The following DLG2 variants were observed in gnomAD, a reference collection of about 807,000 sequenced individuals.
DLG2 encodes the protein disks large homolog 2.
A neutral mutation model predicts 132.5 loss-of-function variants in DLG2; 45 were observed. That is an observed-to-expected ratio of 0.34 (90% CI 0.27 to 0.44). The LOEUF (loss-of-function observed/expected upper bound fraction) is 0.44. DLG2 is among the 20% of genes least tolerant of loss of function. DLG2 has a pLI of 1.00. For synonymous variants in DLG2, 424 were observed against 419.6 expected, an observed-to-expected ratio of 1.01 and a Z score of -0.13; for missense variants, 1,045 against 1,196.9, an observed-to-expected ratio of 0.87 and a Z score of 1.87.
chr11:84,409,623 T>G (rs2098887797), intron 7 of DLG2, among the ~76,000 whole-genome samples: 1 of 152,212 alleles, frequency 6.6e-6, no homozygotes, highest in Admixed American at 6.5e-5. Context: ...GTAAACTGAT[T>G]GTTTCTCCAT....
At chr11:84,084,287 T>G (rs1465613996) in intron 10 of DLG2, among the ~76,000 whole-genome samples, 1 of 152,180 alleles carries the variant, frequency 6.6e-6, no homozygotes, top group East Asian at 1.9e-4. Flanking sequence ...AATTTCCTGG[T>G]GTAGAAATTT....
At chr11:83,802,023 A>C (rs2153941712) in intron 17 of DLG2, among the ~76,000 whole-genome samples, 1 of 152,202 alleles carries the variant, frequency 6.6e-6, no homozygotes, top group East Asian at 1.9e-4. Flanking sequence ...TGGTTGATGA[A>C]ACTGAACTCA....
In DLG2 at chr11:84,293,312, C is replaced by CT. The variant is rs894585384; in HGVS notation, c.520-42022dup. The stretch of plus-strand genomic sequence containing the variant: ...GTCATTGATTCATTTTTTATCTCAA[C>CT]TTTTTTTTTTAGATTCCATGAAATA... On this transcript the variant is annotated intron_variant, in intron 7 of 27. Transcript: ENST00000376104. 1.5e-4 allele frequency among the ~76,000 whole-genome samples: 23 copies of CT among 149,166 alleles called. 1 individual carries two copies. Among genetic ancestry groups the CT allele is most frequent in the East Asian group, 2.0e-4 (1 of 5,108 alleles).
chr11:83,483,360 A>C, intron 22 of DLG2: 1 of 1,333,470 alleles, frequency 7.5e-7, no homozygotes, highest in Non-Finnish European at 1.1e-6. Context: ...AGAGGAAGGA[A>C]GAAGTCAGTG....
At chr11:83,478,027 T>TATC (rs574640868) in intron 22 of DLG2, among the ~76,000 whole-genome samples, 127 of 152,240 alleles carry the variant, frequency 8.3e-4, no homozygotes, top group Admixed American at 1.6e-3. Context: ...GACATCAATC[T>TATC]ATCTTAGTAC....
chr11:83,774,678 T>C (rs2094519298), intron 18 of DLG2, among the ~76,000 whole-genome samples: 2 of 152,156 alleles, frequency 1.3e-5, no homozygotes, highest in African/African-American at 4.8e-5. Context: ...TAGTTCTAAG[T>C]ATGGTGCAAA....
intron 16 of DLG2, among the ~76,000 whole-genome samples, chr11:83,856,149 T>C (rs1011197830): frequency 2.0e-5 from 3 of 152,150 alleles, no homozygotes; most frequent in African/African-American, 7.2e-5. Context: ...ATCCATATTC[T>C]TGCAAAGGAC....
chr11:85,050,783 A>G (rs2062813775), intron 6 of DLG2, among the ~76,000 whole-genome samples: 1 of 152,178 alleles, frequency 6.6e-6, no homozygotes, highest in African/African-American at 2.4e-5. Context: ...GTGGATTTCA[A>G]AGTCAGATTC....
chr11:84,816,848 T>C (rs7943149), intron 6 of DLG2, among the ~76,000 whole-genome samples: 151,708 of 152,112 alleles, frequency 1, 75,665 homozygotes, highest in Non-Finnish European at 1. Context: ...TATAATGAAA[T>C]GAGAATTATT....
chr11:84,839,526 G>C (rs577184919), intron 6 of DLG2, among the ~76,000 whole-genome samples: 2 of 151,948 alleles, frequency 1.3e-5, no homozygotes, highest in African/African-American at 2.4e-5. Context: ...AAAAGAGCCC[G>C]CATTGCCAAG....
At chr11:84,930,598 A>G (rs2047968626) in intron 6 of DLG2, among the ~76,000 whole-genome samples, 2 of 151,872 alleles carry the variant, frequency 1.3e-5, no homozygotes, top group Admixed American at 1.3e-4. Flanking sequence ...CTAAGAAGAA[A>G]ACAAAAACAA....
intron 20 of DLG2, among the ~76,000 whole-genome samples, chr11:83,541,055 CACTT>C (rs930335474): frequency 1.6e-4 from 25 of 151,978 alleles, no homozygotes; most frequent in Non-Finnish European, 3.2e-4. Flanking sequence ...ATTTAGGAAA[CACTT>C]ACACAGAACT....
At chr11:85,461,150 A>G (rs2092597343) in intron 3 of DLG2, among the ~76,000 whole-genome samples, 1 of 152,234 alleles carries the variant, frequency 6.6e-6, no homozygotes, top group South Asian at 2.1e-4. Flanking sequence ...AATCCAGCAT[A>G]TCAAGATAAA....
intron 4 of DLG2, among the ~76,000 whole-genome samples, chr11:85,221,381 A>G (rs1438152547): frequency 6.6e-6 from 1 of 152,142 alleles, no homozygotes; most frequent in Non-Finnish European, 1.5e-5. Flanking sequence ...CTAAAAACTC[A>G]TTCAATCAGA....
In DLG2 at chr11:85,598,690, T is replaced by C. The variant is rs770524549; in HGVS notation, c.7A>G (p.Ile3Val). 11 of 1,580,128 alleles carry C rather than the reference T, an allele frequency of 7.0e-6. No homozygotes were observed. Among genetic ancestry groups the C allele is most frequent in the Middle Eastern group, 3.3e-4 (2 of 6,018 alleles). MG[I>V]FKSSLFQALL... is the part of the protein sequence containing the mutation. ...GCTTGGAATAAGCTGCTCTTAAAGA[T>C]ACCCATCACCTTTTTAACCGCATTT... is the stretch of plus-strand genomic sequence containing the variant. The change falls in exon 3 of 28, where the codon ATC becomes GTC. Residue 3 changes from isoleucine (I) to valine (V), a missense_variant. Ile to Val is a conservative substitution (Grantham distance 29). Coordinates refer to ENST00000376104, the MANE Select transcript of DLG2 (RefSeq NM_001142699.3).
chr11:83,759,299 C>T (rs902749088), intron 18 of DLG2, among the ~76,000 whole-genome samples: 4 of 152,036 alleles, frequency 2.6e-5, no homozygotes, highest in Non-Finnish European at 2.9e-5. Flanking sequence ...CAGGGATAGC[C>T]GAATGGCAGA....
chr11:85,471,427 C>A (rs1359089882), intron 3 of DLG2, among the ~76,000 whole-genome samples: 1 of 151,832 alleles, frequency 6.6e-6, no homozygotes, highest in African/African-American at 2.4e-5. Flanking sequence ...AGGGAACAAT[C>A]TGAAAAGGAC....
intron 4 of DLG2, among the ~76,000 whole-genome samples, chr11:85,216,417 A>G (rs1011428797): frequency 6.6e-6 from 1 of 152,196 alleles, no homozygotes; most frequent in South Asian, 2.1e-4. Flanking sequence ...TCATTAATTT[A>G]TCTTTTGTGT....
intron 4 of DLG2, among the ~76,000 whole-genome samples, chr11:85,171,561 A>C (rs2078880292): frequency 6.6e-6 from 1 of 152,194 alleles, no homozygotes; most frequent in South Asian, 2.1e-4. Flanking sequence ...TGGGAGATCC[A>C]TCCACGCATT....
Sources: gnomAD v4.1 joint callset for allele counts (sites outside exome capture counted in the v4.1 genomes callset) on GRCh38, gnomAD v4.1.1 for gene constraint, MANE v1.5 for transcripts, NCBI Gene and HGNC (gene_info 2026-07-23, HGNC 2026-07-21) for gene names.